The following HS6ST3 variants were observed in gnomAD, a reference collection of about 807,000 sequenced individuals.
HS6ST3 encodes heparan-sulfate 6-O-sulfotransferase 3.
A neutral mutation model predicts 36.7 loss-of-function variants in HS6ST3; 12 were observed. The observed-to-expected ratio is 0.33, with a 90% CI of 0.21 to 0.53. HS6ST3 has a LOEUF of 0.53. HS6ST3 is among the 20% of genes least tolerant of loss of function. The pLI, the probability that HS6ST3 is intolerant of heterozygous loss-of-function variation, is 0.95. For missense variants in HS6ST3, 584 were observed against 640.9 expected (o/e 0.91, Z 0.96); for synonymous variants, 240 against 257.5 (o/e 0.93, Z 0.65).
At chr13:96,700,621 T>C (rs1594839803) in intron 1 of HS6ST3, among the ~76,000 whole-genome samples, 2 of 152,212 alleles carry the variant, frequency 1.3e-5, no homozygotes, top group African/African-American at 4.8e-5. Flanking sequence ...AAGAAACCTA[T>C]ACTAATGTAT....
chr13:96,822,596 T>C (rs1038537994), intron 1 of HS6ST3, among the ~76,000 whole-genome samples: 5 of 152,208 alleles, frequency 3.3e-5, no homozygotes, highest in East Asian at 1.9e-4. Flanking sequence ...AATTTCCTCT[T>C]ATTGATAAAT....
At chr13:96,486,570 A>G (rs1468821959) in intron 1 of HS6ST3, among the ~76,000 whole-genome samples, 1 of 152,156 alleles carries the variant, frequency 6.6e-6, no homozygotes, top group Non-Finnish European at 1.5e-5. Context: ...AACTGGTGTG[A>G]GATGGAATCT....
intron 1 of HS6ST3, among the ~76,000 whole-genome samples, chr13:96,325,477 A>G (rs940304063): frequency 6.6e-6 from 1 of 152,180 alleles, no homozygotes; most frequent in Non-Finnish European, 1.5e-5. Flanking sequence ...AAACAACACA[A>G]TAGAATAACA....
intron 1 of HS6ST3, among the ~76,000 whole-genome samples, chr13:96,739,582 A>G (rs1876381982): frequency 6.6e-6 from 1 of 152,120 alleles, no homozygotes. Flanking sequence ...CTCACAGCCC[A>G]CATCCAAGCC....
At chr13:96,533,260 A>G (rs2056142675) in intron 1 of HS6ST3, among the ~76,000 whole-genome samples, 1 of 151,952 alleles carries the variant, frequency 6.6e-6, no homozygotes, top group African/African-American at 2.4e-5. Flanking sequence ...AGTTATTTGG[A>G]CCCTCCTAAG....
At chr13:96,821,477 TC>T (rs1475126109) in intron 1 of HS6ST3, among the ~76,000 whole-genome samples, 4 of 152,200 alleles carry the variant, frequency 2.6e-5, no homozygotes, top group Non-Finnish European at 5.9e-5. Flanking sequence ...ACAAACATCA[TC>T]TAAAAGTAGT....
At chr13:96,641,304 T>C (rs1577606) in intron 1 of HS6ST3, among the ~76,000 whole-genome samples, 8,644 of 152,032 alleles carry the variant, frequency 0.057, 267 homozygotes, top group Middle Eastern at 0.085. Flanking sequence ...GTTCTTGGTT[T>C]GGCTCTCAGT....
At chr13:96,353,578 C>A (rs1212732160) in intron 1 of HS6ST3, among the ~76,000 whole-genome samples, 1 of 148,494 alleles carries the variant, frequency 6.7e-6, no homozygotes, top group Non-Finnish European at 1.5e-5. Context: ...TTCAAATAAA[C>A]GGGAAAAGTG....
At chr13:96,489,028 A>G (rs1225195414) in intron 1 of HS6ST3, among the ~76,000 whole-genome samples, 1 of 152,072 alleles carries the variant, frequency 6.6e-6, no homozygotes, top group African/African-American at 2.4e-5. Context: ...GATTAATAAT[A>G]CATGTGACAC....
At chr13:96,518,628 T>C (rs2056081856) in intron 1 of HS6ST3, among the ~76,000 whole-genome samples, 1 of 152,172 alleles carries the variant, frequency 6.6e-6, no homozygotes, top group South Asian at 2.1e-4. Context: ...AAGTATTATG[T>C]ACTATACATA....
At chr13:96,349,360 GTGAT>G (rs1238874566) in intron 1 of HS6ST3, among the ~76,000 whole-genome samples, 1 of 152,088 alleles carries the variant, frequency 6.6e-6, no homozygotes, top group African/African-American at 2.4e-5. Flanking sequence ...TCTTAAGAAA[GTGAT>G]TGTGTGGTTC....
intron 1 of HS6ST3, among the ~76,000 whole-genome samples, chr13:96,676,108 A>T (rs2056698092): frequency 6.6e-6 from 1 of 152,164 alleles, no homozygotes. Context: ...GGGCTGTCAT[A>T]ACAAATCTCC....
In HS6ST3 at chr13:96,752,431, C is replaced by A. The variant is rs535261100; in HGVS notation, c.708-80059C>A. Among the ~76,000 whole-genome samples the A allele has an allele frequency of 6.6e-5, 10 of 152,184 alleles. No individual in the cohort carries two copies. The South Asian group carries it at 2.1e-3, about 32-fold the overall frequency. ...CACACCCACCAGCAGTGTTGGAACA[C>A]TTTCTGTTGCTCCATATTCTCTCCA... On this transcript the variant is annotated intron_variant, in intron 1 of 1. Transcript: ENST00000376705.
At chr13:96,165,404 A>G (rs956862321) in intron 1 of HS6ST3, among the ~76,000 whole-genome samples, 1 of 152,182 alleles carries the variant, frequency 6.6e-6, no homozygotes, top group Non-Finnish European at 1.5e-5. Context: ...ATGAAAAGCA[A>G]TAACAGAAGG....
At chr13:96,814,733 GTTGCCGGGTCCCCACTATT>G (rs1878384947) in intron 1 of HS6ST3, among the ~76,000 whole-genome samples, 1 of 151,702 alleles carries the variant, frequency 6.6e-6, no homozygotes, top group African/African-American at 2.4e-5. Flanking sequence ...TATCTGACAA[GTTGCCGGGTCCCCACTATT>G]TGTCTTACCT....
intron 1 of HS6ST3, among the ~76,000 whole-genome samples, chr13:96,735,427 T>C (rs1405309517): frequency 1.3e-5 from 2 of 152,214 alleles, no homozygotes; most frequent in Non-Finnish European, 2.9e-5. Context: ...GTTACCTATA[T>C]ATTTTATCAA....
At chr13:96,307,746 A>G (rs2054920763) in intron 1 of HS6ST3, among the ~76,000 whole-genome samples, 1 of 152,092 alleles carries the variant, frequency 6.6e-6, no homozygotes, top group Non-Finnish European at 1.5e-5. Context: ...TTCCTATTTC[A>G]TATACGTATT....
chr13:96,111,386 C>T (rs1315629712), intron 1 of HS6ST3, among the ~76,000 whole-genome samples: 1 of 152,124 alleles, frequency 6.6e-6, no homozygotes, highest in East Asian at 1.9e-4. Context: ...ATGAGTAAAA[C>T]TAAAACCAAT....
intron 1 of HS6ST3, among the ~76,000 whole-genome samples, chr13:96,358,483 A>G (rs1470588426): frequency 6.6e-6 from 1 of 152,196 alleles, no homozygotes; most frequent in Non-Finnish European, 1.5e-5. Flanking sequence ...AAATGCAGAA[A>G]GGGAGACATT....
Sources: gnomAD v4.1 joint callset for allele counts (sites outside exome capture counted in the v4.1 genomes callset) on GRCh38, gnomAD v4.1.1 for gene constraint, MANE v1.5 for transcripts, NCBI Gene and HGNC (gene_info 2026-07-23, HGNC 2026-07-21) for gene names.